Variants in IQCM observed in about 807,000 individuals in gnomAD.
The protein encoded by IQCM is IQ domain-containing protein M.
In IQCM, 45 loss-of-function variants were observed where a neutral mutation model predicts 57.6. The observed-to-expected ratio is 0.78, with a 90% CI of 0.62 to 1.00. IQCM has a LOEUF of 1.00. IQCM is among the 50% of genes least tolerant of loss of function. The pLI is 0.00. For synonymous variants in IQCM, 148 were observed against 158.9 expected, an observed-to-expected ratio of 0.93 and a Z score of 0.51; for missense variants, 468 against 511.6, an observed-to-expected ratio of 0.91 and a Z score of 0.82.
Position 149,454,461 on chromosome 4 carries a change from C to T in IQCM, c.1229-20904G>A, listed in dbSNP as rs922018329. Among the ~76,000 whole-genome samples the T allele has an allele frequency of 4.0e-5, 6 of 151,728 alleles. No individual in the cohort carries two copies. In the South Asian group the frequency reaches 1.3e-3, roughly 32 times the overall value. ...AGAAAGGAACAGACACCAGGTCCTA[C>T]TTTAGGGTTGGGAGTGGGAGGAGGG... On this transcript the variant is annotated intron_variant, in intron 12 of 13. Coordinates refer to ENST00000636793, the MANE Select transcript of IQCM (RefSeq NM_001363507.2).
intron 12 of IQCM, among the ~76,000 whole-genome samples, chr4:149,448,646 T>C (rs191852598): frequency 3.4e-4 from 52 of 151,700 alleles, no homozygotes; most frequent in Non-Finnish European, 6.2e-4. Flanking sequence ...ATGAGAACAA[T>C]GTTATCACTA....
At chr4:149,420,989 TAATTATGA>T (rs1734082396) in intron 13 of IQCM, among the ~76,000 whole-genome samples, 1 of 40,364 alleles carries the variant, frequency 2.5e-5, no homozygotes, top group African/African-American at 1.3e-4. Context: ...TTATTATGCA[TAATTATGA>T]CCAGCACAAA....
intron 12 of IQCM, among the ~76,000 whole-genome samples, chr4:149,474,373 T>C (rs1384705594): frequency 6.6e-6 from 1 of 151,980 alleles, no homozygotes; most frequent in Non-Finnish European, 1.5e-5. Context: ...AAGACTTCAG[T>C]GGACTCCAGC....
intron 7 of IQCM, among the ~76,000 whole-genome samples, chr4:149,642,312 A>G (rs1758263688): frequency 6.6e-6 from 1 of 152,190 alleles, no homozygotes; most frequent in African/African-American, 2.4e-5. Context: ...GCATATATAT[A>G]GCCACTGTAT....
chr4:149,788,523 G>T (rs540553119), intron 2 of IQCM, among the ~76,000 whole-genome samples: 1 of 152,196 alleles, frequency 6.6e-6, no homozygotes, highest in East Asian at 1.9e-4. Flanking sequence ...TGGAGAAAAT[G>T]GAACTTTTAT....
intron 5 of IQCM, among the ~76,000 whole-genome samples, chr4:149,706,760 T>C (rs1764190203): frequency 6.6e-6 from 1 of 151,992 alleles, no homozygotes; most frequent in Admixed American, 6.6e-5. Context: ...CAGTGGGTTC[T>C]GGTCTTCTCT....
At chr4:149,587,153 T>C (rs1345023647) in intron 9 of IQCM, among the ~76,000 whole-genome samples, 2 of 151,748 alleles carry the variant, frequency 1.3e-5, no homozygotes, top group East Asian at 1.9e-4. Flanking sequence ...GTTTTCTGCC[T>C]AAGTTCTCAC....
chr4:149,518,045 G>A (rs1210689790), intron 12 of IQCM, among the ~76,000 whole-genome samples: 1 of 152,120 alleles, frequency 6.6e-6, no homozygotes, highest in Admixed American at 6.6e-5. Context: ...TTATAGTAAT[G>A]ACACAAGCAT....
chr4:149,370,040 C>G (rs1043428504), intron 13 of IQCM, among the ~76,000 whole-genome samples: 1 of 152,078 alleles, frequency 6.6e-6, no homozygotes, highest in Admixed American at 6.6e-5. Context: ...GGACTACAGG[C>G]TGGGGCCACC....
chr4:149,523,021 C>G (rs1745811669), intron 12 of IQCM, among the ~76,000 whole-genome samples: 2 of 152,064 alleles, frequency 1.3e-5, no homozygotes, highest in African/African-American at 4.8e-5. Context: ...TCTCATGATT[C>G]TGGAGAGGCT....
intron 13 of IQCM, among the ~76,000 whole-genome samples, chr4:149,382,346 C>T (rs1256135084): frequency 6.6e-6 from 1 of 152,058 alleles, no homozygotes; most frequent in East Asian, 1.9e-4. Context: ...TGGAATATTG[C>T]CAACTCTTTG....
At chr4:149,770,293 T>C (rs1467409939) in intron 2 of IQCM, among the ~76,000 whole-genome samples, 2 of 152,076 alleles carry the variant, frequency 1.3e-5, no homozygotes, top group Non-Finnish European at 2.9e-5. Context: ...ATTTTTAAAA[T>C]TGACTGGATA....
chr4:149,434,886 A>C (rs1735201278), intron 12 of IQCM, among the ~76,000 whole-genome samples: 1 of 151,970 alleles, frequency 6.6e-6, no homozygotes, highest in East Asian at 1.9e-4. Context: ...CCACCAGTGC[A>C]GCACCTTCCT....
intron 12 of IQCM, among the ~76,000 whole-genome samples, chr4:149,501,556 CAG>C (rs1215458466): frequency 1.3e-5 from 2 of 151,954 alleles, no homozygotes; most frequent in Non-Finnish European, 2.9e-5. Context: ...AAAAATAAAA[CAG>C]GGAAATCTGC....
chr4:149,589,196 G>A (rs978955849), intron 8 of IQCM, among the ~76,000 whole-genome samples: 4 of 152,074 alleles, frequency 2.6e-5, no homozygotes, highest in South Asian at 4.1e-4. Context: ...AGAGGAATTT[G>A]AAGTAAACTT....
intron 12 of IQCM, among the ~76,000 whole-genome samples, chr4:149,474,278 T>C (rs1446577105): frequency 2.0e-5 from 3 of 151,838 alleles, no homozygotes; most frequent in African/African-American, 7.3e-5. Context: ...AAAGTAGACA[T>C]AACTGGTTGA....
At chr4:149,729,200 G>A (rs1307582837) in intron 5 of IQCM, among the ~76,000 whole-genome samples, 1 of 152,170 alleles carries the variant, frequency 6.6e-6, no homozygotes, top group Non-Finnish European at 1.5e-5. Context: ...TTTTTTCAGT[G>A]GCCTCTTGAT....
At chr4:149,735,323 T>C (rs528019541) in intron 4 of IQCM, 53 bp downstream of exon 4, 2 of 846,412 alleles carry the variant, frequency 2.4e-6, no homozygotes, top group South Asian at 1.2e-4. Flanking sequence ...GGAGAATCCT[T>C]GTAGTATGCA....
At chr4:149,388,546 AAT>A (rs913503518) in intron 13 of IQCM, among the ~76,000 whole-genome samples, 40 of 133,450 alleles carry the variant, frequency 3.0e-4, no homozygotes, top group South Asian at 1.1e-3. Flanking sequence ...TATTATATAT[AAT>A]ATATATAATA....
Sources: gnomAD v4.1 joint callset for allele counts (sites outside exome capture counted in the v4.1 genomes callset) on GRCh38, gnomAD v4.1.1 for gene constraint, MANE v1.5 for transcripts, NCBI Gene and HGNC (gene_info 2026-07-23, HGNC 2026-07-21) for gene names.